CHD8: variants seen among roughly 807,000 people sequenced by gnomAD.
CHD8 encodes the protein chromodomain helicase DNA binding protein 8, also known as ATP-dependent chromatin remodeler CHD8.
In CHD8, 31 loss-of-function variants were observed where a neutral mutation model predicts 279.2. That is an observed-to-expected ratio of 0.11 (90% CI 0.08 to 0.15). CHD8 has a LOEUF of 0.15. Ranked by LOEUF, CHD8 falls within the 10% of genes least tolerant of loss-of-function variation. The probability of loss-of-function intolerance (pLI) is 1.00; values close to 1 mark genes in which losing one functional copy is unlikely to be tolerated. For synonymous variants in CHD8, 1,081 were observed against 1,139.6 expected (o/e 0.95, Z 1.04); for missense variants, 2,146 against 3,230.5 (o/e 0.66, Z 8.14).
intron 1 of CHD8, among the ~76,000 whole-genome samples, chr14:21,434,285 GAGCCGTCGCCTC>G (rs1193728430): frequency 1.3e-5 from 2 of 152,080 alleles, no homozygotes; most frequent in African/African-American, 4.8e-5. Context: ...CTTCAGAGGT[GAGCCGTCGCCTC>G]AGCCTCCCAA....
chr14:21,418,687 G>A (rs1361396230), intron 5 of CHD8, among the ~76,000 whole-genome samples: 4 of 152,108 alleles, frequency 2.6e-5, no homozygotes, highest in African/African-American at 9.7e-5. Flanking sequence ...GTGGTGGCAG[G>A]CGCCTGCAGT....
At chr14:21,439,442 G>C (rs1345831186) in intron 1 of CHD8, among the ~76,000 whole-genome samples, 1 of 152,122 alleles carries the variant, frequency 6.6e-6, no homozygotes, top group Non-Finnish European at 1.5e-5. Context: ...ATATAACAAA[G>C]ATTTTGGAGC....
In CHD8 at chr14:21,415,543, A is replaced by AAATAAATT. The variant is rs376825267; in HGVS notation, c.1968+30_1968+31insAATTTATT. 3 of 1,015,682 alleles carry AAATAAATT rather than the reference A, an allele frequency of 3.0e-6. No individual in the cohort carries two copies. In the African/African-American group the frequency reaches 5.9e-5, roughly 20 times the overall value. The allele number at this position is 1,015,682 out of a possible 1,614,324, so 62.9% of individuals were successfully genotyped here. On this transcript the variant is annotated intron_variant, in intron 7 of 37. Coordinates refer to ENST00000646647, the MANE Select transcript of CHD8 (RefSeq NM_001170629.2). ...TAAATAAATAAATAAATAAATAAAT[A>AAATAAATT]AAAATAATAATAATAATAAAAAGCC...
At chr14:21,393,452 C>G (rs747218275) in intron 32 of CHD8, 24 bp downstream of exon 32, 10 of 1,532,906 alleles carry the variant, frequency 6.5e-6, no homozygotes, top group Non-Finnish European at 8.8e-6. Flanking sequence ...GGAAGGGGGC[C>G]AACAGCCTGT....
chr14:21,400,392 A>C lies in CHD8; in HGVS notation c.4570+21T>G. ...TTAGATTAACCTATAGAAAAACATAAAGTAAAGAGTTGATAATTACCTGAA... is the reference window on the plus strand; with the variant it reads ...TTAGATTAACCTATAGAAAAACATACAGTAAAGAGTTGATAATTACCTGAA... On this transcript the variant is annotated intron_variant, in intron 23 of 37. Transcript: ENST00000646647. This position sits in a 1 kb window ranked among gnomAD's most constrained non-coding sequence, Gnocchi z 4.2. 1 of 1,597,802 alleles carries C rather than the reference A, an allele frequency of 6.3e-7. No individual in the cohort carries two copies. Among genetic ancestry groups the C allele is most frequent in the South Asian group, 1.1e-5 (1 of 88,072 alleles).
Position 21,400,767 on chromosome 14 carries a change from C to T in CHD8, c.4370+108G>A. On this transcript the variant is annotated intron_variant, in intron 22 of 37. Transcript: ENST00000646647. This position sits in a 1 kb window ranked among gnomAD's most constrained non-coding sequence, Gnocchi z 4.2. ...TCCCTCCAAGGCAAATATTTTTTCA[C>T]ATTATCCCTTCTTTGATCATAGCCC... 7.5e-7 allele frequency: 1 copy of T among 1,326,410 alleles called. No homozygotes were observed. Among genetic ancestry groups the T allele is most frequent in the South Asian group, 1.4e-5 (1 of 69,086 alleles). 82.2% of individuals were successfully genotyped at this position (1,326,410 alleles called of 1,614,324 possible).
At chr14:21,398,991 AG>A in intron 26 of CHD8, 1 of 418,958 alleles carries the variant, frequency 2.4e-6, no homozygotes, top group Non-Finnish European at 4.8e-6. Flanking sequence ...GAGTGACACC[AG>A]TGAAAATGTC....
intron 1 of CHD8, among the ~76,000 whole-genome samples, chr14:21,445,730 G>T (rs1407219772): frequency 7.1e-6 from 1 of 141,542 alleles, no homozygotes; most frequent in Non-Finnish European, 1.5e-5. Context: ...AGCTGGGCAC[G>T]GTGGCTAACA....
chr14:21,405,962 T>C lies in CHD8; in HGVS notation c.2908-98A>G. 1 of 863,758 alleles carries C rather than the reference T, an allele frequency of 1.2e-6. No homozygotes were observed. The highest frequency in any genetic ancestry group is 2.8e-5 in the East Asian group (1 of 35,300). The allele number at this position is 863,758 out of a possible 1,614,324, so 53.5% of individuals were successfully genotyped here. ...AATCTTTAACATATATAACCTTTAA[T>C]TTCTTTATCTATAAAATGATGAGAA... On this transcript the variant is annotated intron_variant, in intron 14 of 37. Transcript: ENST00000646647. This position sits in a 1 kb window ranked among gnomAD's most constrained non-coding sequence, Gnocchi z 4.2.
At chr14:21,399,891 A>T in intron 25 of CHD8, 90 bp downstream of exon 25, 2 of 1,159,422 alleles carry the variant, frequency 1.7e-6, no homozygotes, top group Non-Finnish European at 2.6e-6. Context: ...ATTATCAGGT[A>T]TCCCAAAGAT....
chr14:21,429,588 G>A (rs1001559274), intron 2 of CHD8: 1 of 593,780 alleles, frequency 1.7e-6, no homozygotes. Flanking sequence ...ATCAGCAAGG[G>A]AGTGCTGCCC....
intron 28 of CHD8, 157 bp from the exon 29 acceptor site, chr14:21,395,509 C>A: frequency 4.9e-6 from 3 of 615,614 alleles, no homozygotes; most frequent in Non-Finnish European, 8.6e-6. Context: ...TGGAAACAAT[C>A]AACTAAAAGA....
rs1404302048 is a variant in CHD8 at position 21,385,344 on chromosome 14, G to A, written c.*269C>T. The A allele has an allele frequency of 2.0e-6, 1 of 499,082 alleles. No individual in the cohort carries two copies. The highest frequency in any genetic ancestry group is 3.5e-6 in the Non-Finnish European group (1 of 285,806). 30.9% of individuals were successfully genotyped at this position (499,082 alleles called of 1,614,324 possible). A position where few individuals can be genotyped will look rare whatever the true frequency, so the allele number is the denominator to read the frequency against. ...AGTCTGTGGTTAATGGAGGTGACTAGGGAGGGGTGAGCACACCAGCTGCTC... is the reference window on the plus strand; with the variant it reads ...AGTCTGTGGTTAATGGAGGTGACTAAGGAGGGGTGAGCACACCAGCTGCTC... On this transcript the variant is annotated 3_prime_UTR_variant, in exon 38 of 38. Coordinates refer to ENST00000646647, the MANE Select transcript of CHD8 (RefSeq NM_001170629.2).
intron 5 of CHD8, chr14:21,419,853 C>G: frequency 2.7e-6 from 1 of 372,366 alleles, no homozygotes; most frequent in Non-Finnish European, 5.5e-6. Flanking sequence ...GGTCACCAGC[C>G]CTGCCAGTGA....
intron 21 of CHD8, 75 bp downstream of exon 21, chr14:21,401,328 A>G: frequency 1.1e-6 from 1 of 885,530 alleles, no homozygotes; most frequent in Non-Finnish European, 1.7e-6. Flanking sequence ...GCATCAAATA[A>G]TCAGAGTAGC....
intron 1 of CHD8, among the ~76,000 whole-genome samples, chr14:21,440,220 T>G (rs900175880): frequency 6.6e-6 from 1 of 152,208 alleles, no homozygotes; most frequent in Admixed American, 6.5e-5. Flanking sequence ...TGGTTTTTTT[T>G]TCTTGAGATG....
intron 7 of CHD8, 61 bp from the exon 8 acceptor site, chr14:21,415,054 AT>A: frequency 1.8e-6 from 2 of 1,112,152 alleles, no homozygotes; most frequent in Non-Finnish European, 2.7e-6. Flanking sequence ...GAACTTTTTA[AT>A]TTTAACCACA....
At position 21,431,308 on chromosome 14, in the gene CHD8, T is replaced by C. The variant is rs2139540144; in HGVS notation, c.336A>G (p.Thr112=). Residue 112 remains threonine, a synonymous_variant, in exon 2 of 38, where the codon ACA becomes ACG. Coordinates refer to ENST00000646647, the MANE Select transcript of CHD8 (RefSeq NM_001170629.2). ...GCAAAAGTCCTGATGTTGGCGTCGA[T>C]GTCTGTAAGACAGGTTGGGCTGGCT... ...QEQPAQPVLQ[T]STPTSGLLQV... is the part of the protein sequence containing the mutation. 3.2e-6 allele frequency: 5 copies of C among 1,554,278 alleles called. No homozygotes were observed. The highest frequency in any genetic ancestry group is 1.4e-5 in the African/African-American group (1 of 73,928).
At chr14:21,437,076 G>T in intron 1 of CHD8, 1 of 782,478 alleles carries the variant, frequency 1.3e-6, no homozygotes, top group Non-Finnish European at 1.9e-6. Flanking sequence ...GGTGGGGGGT[G>T]TGGATGCCCG....
Sources: allele counts gnomAD v4.1 joint callset (sites outside exome capture counted in the v4.1 genomes callset), GRCh38; gene constraint gnomAD v4.1.1; non-coding constraint Gnocchi (gnomAD v3.1); transcripts MANE v1.5; gene names NCBI Gene and HGNC (gene_info 2026-07-23, HGNC 2026-07-21).